Variants in SLC35F6 observed in about 807,000 individuals in gnomAD.
The protein encoded by SLC35F6 is solute carrier family 35 member F6, also known as ANT2-binding protein.
In SLC35F6, 26 loss-of-function variants were observed where a neutral mutation model predicts 29.4. The ratio of observed to expected loss-of-function variants is 0.89; its 90% CI spans 0.65 to 1.23. SLC35F6 has a LOEUF of 1.23. Among genes scored for constraint, SLC35F6 ranks in the 50% most tolerant of loss-of-function variants. SLC35F6 has a pLI of 0.00. For missense variants in SLC35F6, 428 were observed against 487.8 expected (o/e 0.88, Z 1.15); for synonymous variants, 174 against 206.6 (o/e 0.84, Z 1.35).
rs150938848 is a variant in SLC35F6 at position 26,775,067 on chromosome 2, A to G, written c.174A>G (p.Glu58=). The G allele has an allele frequency of 1.9e-6, 3 of 1,613,768 alleles. No individual in the cohort carries two copies. The African/African-American group carries it at 4.0e-5, about 22-fold the overall frequency. Reference sequence around the variant, plus strand: ...AGGCAGTGGGCATGTTCCTGGGAGAATTCTCCTGCCTGGCTGCCTTCTACC... The same window carrying G: ...AGGCAGTGGGCATGTTCCTGGGAGAGTTCTCCTGCCTGGCTGCCTTCTACC... The part of the protein sequence containing the change: ...FLQAVGMFLG[E]FSCLAAFYLL... Residue 58 remains glutamate (E), a synonymous_variant, in exon 3 of 6, where the codon GAA becomes GAG. Transcript: ENST00000344420. This position sits in a 1 kb window ranked among gnomAD's most constrained non-coding sequence, Gnocchi z 4.6.
chr2:26,777,107 G>A (rs1462650872), intron 5 of SLC35F6, among the ~76,000 whole-genome samples: 2 of 152,242 alleles, frequency 1.3e-5, no homozygotes, highest in Non-Finnish European at 2.9e-5. Flanking sequence ...ACTGAGACAG[G>A]AGAATCGCCT....
intron 1 of SLC35F6, among the ~76,000 whole-genome samples, chr2:26,768,940 G>T (rs1332388558): frequency 1.3e-5 from 2 of 152,194 alleles, no homozygotes; most frequent in Non-Finnish European, 2.9e-5. Flanking sequence ...ACCACACCCA[G>T]CTTAAGGAAA....
chr2:26,776,244 T>C, intron 4 of SLC35F6, 128 bp from the exon 5 acceptor site: 1 of 726,442 alleles, frequency 1.4e-6, no homozygotes, highest in Non-Finnish European at 2.3e-6. Flanking sequence ...CAGTGGTGAC[T>C]GTGCCTATGA....
intron 1 of SLC35F6, among the ~76,000 whole-genome samples, chr2:26,766,837 C>T (rs1486337984): frequency 6.6e-6 from 1 of 152,186 alleles, no homozygotes; most frequent in African/African-American, 2.4e-5. Context: ...GATTAAATTC[C>T]TTGCCCAAGT....
In SLC35F6 at chr2:26,778,762, C is replaced by G. The variant is rs955069095; in HGVS notation, c.*251C>G. On this transcript the variant is annotated 3_prime_UTR_variant, in exon 6 of 6. Coordinates refer to ENST00000344420, the MANE Select transcript of SLC35F6 (RefSeq NM_017877.4). ...GTGGCAGACCTCAGCTCTCTGGACC[C>G]CTCCTACAGCACTAGAGCTAAATCA... The G allele has an allele frequency of 1.0e-5, 5 of 493,110 alleles. No individual in the cohort carries two copies. Among genetic ancestry groups the G allele is most frequent in the Non-Finnish European group, 1.4e-5 (4 of 279,258 alleles). The allele number at this position is 493,110 out of a possible 1,614,324, so 30.5% of individuals were successfully genotyped here. A position where few individuals can be genotyped will look rare whatever the true frequency, so the allele number is the denominator to read the frequency against.
At chr2:26,765,913 G>C (rs1664088535) in intron 1 of SLC35F6, among the ~76,000 whole-genome samples, 1 of 152,238 alleles carries the variant, frequency 6.6e-6, no homozygotes, top group African/African-American at 2.4e-5. Context: ...AGTGCTTAGA[G>C]AGCGGTTGTA....
rs369441743 is a variant in SLC35F6, at chr2:26,774,322, A to G, written c.149A>G (p.Gln50Arg). Residue 50 changes from glutamine (Q) to arginine (R), a missense_variant and splice_region_variant, in exon 2 of 6, where the codon CAG becomes CGG. Physicochemically the swap from Gln to Arg is conservative, Grantham distance 43. Coordinates refer to ENST00000344420, the MANE Select transcript of SLC35F6 (RefSeq NM_017877.4). ...CACAGCTTCCAGCATCCCTTCCTCCAGGTATCTGGCCCTGTCCCTCCTACC... is the reference window on the plus strand; with the variant it reads ...CACAGCTTCCAGCATCCCTTCCTCCGGGTATCTGGCCCTGTCCCTCCTACC... Reference protein sequence around the residue: ...KEHSFQHPFLQAVGMFLGEFS... With the variant: ...KEHSFQHPFLRAVGMFLGEFS... 1 of 1,614,000 alleles carries G rather than the reference A, an allele frequency of 6.2e-7. No individual in the cohort carries two copies. Among genetic ancestry groups the G allele is most frequent in the Non-Finnish European group, 8.5e-7 (1 of 1,179,908 alleles).
At chr2:26,774,631 T>A (rs868057088) in intron 2 of SLC35F6, among the ~76,000 whole-genome samples, 4 of 152,180 alleles carry the variant, frequency 2.6e-5, no homozygotes, top group Admixed American at 6.5e-5. Context: ...CAGACCCCAA[T>A]TGGGACAGGG....
At chr2:26,773,222 C>T (rs1172463129) in intron 1 of SLC35F6, among the ~76,000 whole-genome samples, 1 of 152,018 alleles carries the variant, frequency 6.6e-6, no homozygotes, top group Non-Finnish European at 1.5e-5. Flanking sequence ...AGGATTGGGC[C>T]AGGCACGGTG....
At chr2:26,773,482 G>A (rs1278396605) in intron 1 of SLC35F6, among the ~76,000 whole-genome samples, 3 of 127,692 alleles carry the variant, frequency 2.3e-5, no homozygotes, top group African/African-American at 3.3e-5. Context: ...CAGCCTGGGC[G>A]ACAGAGCGAG....
Position 26,775,613 on chromosome 2 carries a change from G to T in SLC35F6, c.472G>T (p.Val158Leu), listed in dbSNP as rs746133885. The change falls in exon 4 of 6, where the codon GTG becomes TTG. Residue 158 changes from valine (V) to leucine (L), a missense_variant. Transcript: ENST00000344420. This position sits in a 1 kb window ranked among gnomAD's most constrained non-coding sequence, Gnocchi z 4.6. ...ILATIAGLVV[V>L]GLADLLSKHD... Reference sequence around the variant, plus strand: ...AGCCACCATCGCGGGGCTGGTGGTCGTGGGCCTGGCTGACCTCCTGAGCAA... The same window carrying T: ...AGCCACCATCGCGGGGCTGGTGGTCTTGGGCCTGGCTGACCTCCTGAGCAA... 5.0e-6 allele frequency: 8 copies of T among 1,605,104 alleles called. No individual in the cohort carries two copies. In the East Asian group the frequency reaches 1.8e-4, roughly 36 times the overall value.
At position 26,775,152 on chromosome 2, in the gene SLC35F6, A is replaced by G; in HGVS notation, c.259A>G (p.Asn87Asp). Reference protein sequence around the residue: ...DSSVDPQQPFNPLLFLPPALC... With the variant: ...DSSVDPQQPFDPLLFLPPALC... Reference sequence around the variant, plus strand: ...CAGCGTAGACCCCCAGCAGCCCTTCAACCCTCTTCTTTTCCTGCCCCCAGC... The same window carrying G: ...CAGCGTAGACCCCCAGCAGCCCTTCGACCCTCTTCTTTTCCTGCCCCCAGC... The change falls in exon 3 of 6, where the codon AAC (asparagine) becomes GAC (aspartate). Residue 87 changes from asparagine to aspartate, a missense_variant. Transcript: ENST00000344420. The surrounding 1 kb of genome is among the most constrained non-coding windows in gnomAD (Gnocchi z 4.6). 5 of 1,614,068 alleles carry G rather than the reference A, an allele frequency of 3.1e-6. No homozygotes were observed. Among genetic ancestry groups the G allele is most frequent in the East Asian group, 2.2e-5 (1 of 44,862 alleles).
At chr2:26,773,656 A>C (rs1251903167) in intron 1 of SLC35F6, among the ~76,000 whole-genome samples, 1 of 147,980 alleles carries the variant, frequency 6.8e-6, no homozygotes, top group Non-Finnish European at 1.5e-5. Context: ...TCCATCACCT[A>C]GGCTGGAGTG....
chr2:26,765,935 G>A (rs564151415), intron 1 of SLC35F6, among the ~76,000 whole-genome samples: 50 of 152,336 alleles, frequency 3.3e-4, no homozygotes, highest in Admixed American at 2.6e-4. Context: ...GTCCACCAGG[G>A]CTGCTGCCCA....
intron 1 of SLC35F6, among the ~76,000 whole-genome samples, chr2:26,770,730 A>G (rs890488711): frequency 1.3e-5 from 2 of 151,932 alleles, no homozygotes; most frequent in Admixed American, 6.6e-5. Flanking sequence ...AAAAAAAAAC[A>G]AGAACAAAAA....
intron 1 of SLC35F6, among the ~76,000 whole-genome samples, chr2:26,770,547 G>A (rs772647764): frequency 1.3e-5 from 2 of 151,772 alleles, no homozygotes; most frequent in Non-Finnish European, 2.9e-5. Flanking sequence ...GTGAAACTCC[G>A]TCTCTACAAA....
At chr2:26,766,203 C>G (rs184898232) in intron 1 of SLC35F6, among the ~76,000 whole-genome samples, 42 of 152,294 alleles carry the variant, frequency 2.8e-4, no homozygotes, top group African/African-American at 9.9e-4. Flanking sequence ...AAATTGGACC[C>G]TAAACAGTGT....
intron 1 of SLC35F6, 26 bp downstream of exon 1, chr2:26,764,452 C>A: frequency 6.5e-7 from 1 of 1,550,022 alleles, no homozygotes; most frequent in Non-Finnish European, 8.7e-7. Flanking sequence ...GCCGGGCGTG[C>A]GGGCCCTGGC....
At chr2:26,769,505 GC>G (rs1664156783) in intron 1 of SLC35F6, among the ~76,000 whole-genome samples, 1 of 152,236 alleles carries the variant, frequency 6.6e-6, no homozygotes, top group Non-Finnish European at 1.5e-5. Flanking sequence ...GCGCATGACT[GC>G]CTGCTGAGCT....
Sources: gnomAD v4.1 joint callset for allele counts (sites outside exome capture counted in the v4.1 genomes callset) on GRCh38, gnomAD v4.1.1 for gene constraint, Gnocchi (gnomAD v3.1) non-coding constraint, MANE v1.5 for transcripts, NCBI Gene and HGNC (gene_info 2026-07-23, HGNC 2026-07-21) for gene names.